Variants in SCFD2 observed in about 807,000 individuals in gnomAD.
SCFD2 encodes sec1 family domain-containing protein 2.
Under a neutral mutation model 58.9 loss-of-function variants are expected in SCFD2, and 54 were observed. That is an observed-to-expected ratio of 0.92 (90% confidence interval 0.74 to 1.15). The LOEUF (loss-of-function observed/expected upper bound fraction) is 1.15. SCFD2 is among the 50% of genes most tolerant of loss of function. The pLI is 0.00. For synonymous variants in SCFD2, 321 were observed against 335.9 expected (o/e 0.96, Z 0.49); for missense variants, 805 against 836.6 (o/e 0.96, Z 0.47).
At position 53,300,330 on chromosome 4, in the gene SCFD2, C is replaced by T. The variant is rs138929496; in HGVS notation, c.1135+13306G>A. Among the ~76,000 whole-genome samples, 883 of 152,170 alleles carry T rather than the reference C, an allele frequency of 5.8e-3. 2 individuals carry two copies. Among genetic ancestry groups the T allele is most frequent in the South Asian group, 8.8e-3 (42 of 4,794 alleles). ...TCGGATAAAACAGACTTTAAACCAA[C>T]AAAGATCAAAAGAGACAAAGAAGGT... is the stretch of plus-strand genomic sequence containing the variant. On this transcript the variant is annotated intron_variant, in intron 3 of 8. Transcript: ENST00000401642.
chr4:53,152,196 T>C (rs1261495682), intron 4 of SCFD2, among the ~76,000 whole-genome samples: 1 of 151,204 alleles, frequency 6.6e-6, no homozygotes, highest in Non-Finnish European at 1.5e-5. Flanking sequence ...AACAAAACAC[T>C]TCAAAGAATC....
In SCFD2 at chr4:53,212,389, A is replaced by G. The variant is rs1482107598; in HGVS notation, c.1311+61437T>C. On this transcript the variant is annotated intron_variant, in intron 4 of 8. Coordinates refer to ENST00000401642, the MANE Select transcript of SCFD2 (RefSeq NM_152540.4). ...CAATGAAATCAATTACCTAGTCAGC[A>G]GGTGTTTGTCCATGTCACTTCCCAA... Among the ~76,000 whole-genome samples the G allele has an allele frequency of 2.6e-5, 4 of 152,160 alleles. No homozygotes were observed. In the East Asian group the frequency reaches 7.7e-4, roughly 29 times the overall value.
At chr4:53,190,512 T>C (rs1326508345) in intron 4 of SCFD2, among the ~76,000 whole-genome samples, 1 of 152,202 alleles carries the variant, frequency 6.6e-6, no homozygotes, top group Non-Finnish European at 1.5e-5. Context: ...TGAGGCCTTC[T>C]TGACCCTCCT....
intron 7 of SCFD2, among the ~76,000 whole-genome samples, chr4:52,900,637 G>T (rs551872573): frequency 6.6e-6 from 1 of 152,214 alleles, no homozygotes; most frequent in African/African-American, 2.4e-5. Context: ...CTCAAGCTGC[G>T]TGCTGGGAGA....
intron 4 of SCFD2, among the ~76,000 whole-genome samples, chr4:53,180,833 C>T (rs2148947721): frequency 6.6e-6 from 1 of 152,296 alleles, no homozygotes; most frequent in South Asian, 2.1e-4. Flanking sequence ...CACCACCAAT[C>T]CCACAGAAAT....
chr4:53,198,377 A>T (rs1219699896), intron 4 of SCFD2, among the ~76,000 whole-genome samples: 2 of 152,010 alleles, frequency 1.3e-5, no homozygotes, highest in Non-Finnish European at 2.9e-5. Context: ...GGATTTTTTT[A>T]AATCTAATAA....
At chr4:53,165,756 T>G (rs1258867034) in intron 4 of SCFD2, among the ~76,000 whole-genome samples, 2 of 152,168 alleles carry the variant, frequency 1.3e-5, no homozygotes, top group African/African-American at 4.8e-5. Context: ...AGTGTTTTGC[T>G]CACTGCTGTA....
intron 4 of SCFD2, among the ~76,000 whole-genome samples, chr4:53,188,864 G>GT (rs897253640): frequency 1.3e-5 from 2 of 152,188 alleles, no homozygotes; most frequent in South Asian, 2.1e-4. Context: ...GTGCTCACTT[G>GT]TTTTTTTCCT....
chr4:52,900,064 A>G (rs1719143726), intron 7 of SCFD2, among the ~76,000 whole-genome samples: 1 of 151,986 alleles, frequency 6.6e-6, no homozygotes, highest in South Asian at 2.1e-4. Flanking sequence ...ATTTTTTTTC[A>G]AAGTTTTTAA....
chr4:53,301,444 T>C (rs182149402), intron 3 of SCFD2, among the ~76,000 whole-genome samples: 3,535 of 151,816 alleles, frequency 0.023, 66 homozygotes, highest in Non-Finnish European at 0.033. Context: ...GCTCTGAAAT[T>C]GAGGCAATAA....
intron 5 of SCFD2, among the ~76,000 whole-genome samples, chr4:53,098,402 T>C (rs1217997114): frequency 6.6e-6 from 1 of 152,232 alleles, no homozygotes; most frequent in Non-Finnish European, 1.5e-5. Context: ...GAGCATGTTA[T>C]TGGTCTATTC....
chr4:52,999,915 G>C (rs1317223639), intron 5 of SCFD2, among the ~76,000 whole-genome samples: 1 of 152,234 alleles, frequency 6.6e-6, no homozygotes, highest in Non-Finnish European at 1.5e-5. Flanking sequence ...GGCAGTCGCT[G>C]AGCTGCTGGG....
chr4:53,271,313 ACG>A (rs1553894778), intron 4 of SCFD2, among the ~76,000 whole-genome samples: 24 of 147,716 alleles, frequency 1.6e-4, no homozygotes, highest in Non-Finnish European at 2.1e-4. Context: ...ACACACACAC[ACG>A]CACACACACA....
chr4:53,249,625 G>A (rs536776607), intron 4 of SCFD2, among the ~76,000 whole-genome samples: 13 of 152,220 alleles, frequency 8.5e-5, no homozygotes, highest in African/African-American at 3.1e-4. Flanking sequence ...AACTCTACAA[G>A]CCAGAAGAGA....
chr4:53,037,706 A>T (rs916184778), intron 5 of SCFD2, among the ~76,000 whole-genome samples: 5 of 152,204 alleles, frequency 3.3e-5, no homozygotes, highest in African/African-American at 1.2e-4. Flanking sequence ...TGCATGTAAA[A>T]GTGATGCTTT....
At chr4:53,160,909 C>T (rs949708412) in intron 4 of SCFD2, among the ~76,000 whole-genome samples, 2 of 152,126 alleles carry the variant, frequency 1.3e-5, no homozygotes. Flanking sequence ...AAACATTCTA[C>T]AAACTTTCTC....
chr4:52,995,112 A>AAT (rs1358667180), intron 5 of SCFD2, among the ~76,000 whole-genome samples: 1 of 152,168 alleles, frequency 6.6e-6, no homozygotes, highest in African/African-American at 2.4e-5. Context: ...ATTACATTTT[A>AAT]ATATATAAGG....
chr4:52,884,090 C>A lies in SCFD2; in HGVS notation c.1962+1657G>T, dbSNP rs141466261. Among the ~76,000 whole-genome samples the A allele has an allele frequency of 3.3e-5, 5 of 152,312 alleles. No homozygotes were observed. The East Asian group carries it at 9.6e-4, about 29-fold the overall frequency. On this transcript the variant is annotated intron_variant, in intron 8 of 8. Coordinates refer to ENST00000401642, the MANE Select transcript of SCFD2 (RefSeq NM_152540.4). ...CCTCAAACTACAAGGGTTACTGAGCCACTGCCATGTGCTCCAGCCTGGAAA... is the reference window on the plus strand; with the variant it reads ...CCTCAAACTACAAGGGTTACTGAGCAACTGCCATGTGCTCCAGCCTGGAAA...
At chr4:53,071,681 C>T (rs1723818191) in intron 5 of SCFD2, among the ~76,000 whole-genome samples, 1 of 151,988 alleles carries the variant, frequency 6.6e-6, no homozygotes, top group East Asian at 1.9e-4. Context: ...ATCCCATGGT[C>T]TTATCACTAT....
Sources: gnomAD v4.1 joint callset for allele counts (sites outside exome capture counted in the v4.1 genomes callset) on GRCh38, gnomAD v4.1.1 for gene constraint, MANE v1.5 for transcripts, NCBI Gene and HGNC (gene_info 2026-07-23, HGNC 2026-07-21) for gene names.